The following RPRD2 variants were observed in gnomAD, a reference collection of about 807,000 sequenced individuals.
RPRD2 encodes the protein regulation of nuclear pre-mRNA domain-containing protein 2.
RPRD2 carries 12 observed loss-of-function variants against 104.4 expected under a neutral mutation model. The ratio of observed to expected loss-of-function variants is 0.11; its 90% CI spans 0.07 to 0.19. The LOEUF is 0.19. Among genes scored for constraint, RPRD2 ranks in the 10% least tolerant of loss-of-function variants. The pLI, the probability that RPRD2 is intolerant of heterozygous loss-of-function variation, is 1.00. For missense variants in RPRD2, 1,543 were observed against 1,790.1 expected (o/e 0.86, Z 2.49); for synonymous variants, 714 against 684.9 (o/e 1.04, Z -0.66).
At chr1:150,448,314 G>A (rs1572497642) in intron 7 of RPRD2, among the ~76,000 whole-genome samples, 1 of 152,042 alleles carries the variant, frequency 6.6e-6, no homozygotes, top group Admixed American at 6.6e-5. Context: ...GATTACAGGT[G>A]CATGCCATCA....
At chr1:150,377,153 G>C (rs1051778768) in intron 1 of RPRD2, among the ~76,000 whole-genome samples, 7 of 151,708 alleles carry the variant, frequency 4.6e-5, no homozygotes, top group African/African-American at 1.7e-4. Flanking sequence ...AGCAGTTGCA[G>C]TGAGCTGAGA....
intron 8 of RPRD2, among the ~76,000 whole-genome samples, chr1:150,459,552 A>G (rs1307561753): frequency 6.6e-6 from 1 of 152,042 alleles, no homozygotes; most frequent in Non-Finnish European, 1.5e-5. Context: ...CAAAGGAATC[A>G]TTGAAAAGTA....
At chr1:150,431,791 G>A (rs1205064207) in intron 2 of RPRD2, among the ~76,000 whole-genome samples, 1 of 151,858 alleles carries the variant, frequency 6.6e-6, no homozygotes, top group Non-Finnish European at 1.5e-5. Flanking sequence ...AAAAAGGAAG[G>A]AAATTCTAAT....
In RPRD2 at chr1:150,364,629, C is replaced by G. The variant is rs1454765833; in HGVS notation, c.-86C>G. 1.5e-6 allele frequency: 1 copy of G among 685,546 alleles called. No individual in the cohort carries two copies. Among genetic ancestry groups the G allele is most frequent in the Admixed American group, 2.9e-5 (1 of 34,322 alleles). 42.5% of individuals were successfully genotyped at this position (685,546 alleles called of 1,614,324 possible). A position where few individuals can be genotyped will look rare whatever the true frequency, so the allele number is the denominator to read the frequency against. ...TCCCTCCCCACCTACGGCTTTCACG[C>G]ACTCGCAGTGATTGTTTTGCCCGCT... On this transcript the variant is annotated 5_prime_UTR_variant, in exon 1 of 11. Transcript: ENST00000369068.
intron 1 of RPRD2, among the ~76,000 whole-genome samples, chr1:150,369,248 T>G (rs1660080434): frequency 6.6e-6 from 1 of 152,034 alleles, no homozygotes; most frequent in Admixed American, 6.6e-5. Flanking sequence ...TTGCCCAGAT[T>G]ATCATTTCTG....
chr1:150,373,214 A>G (rs1319881897), intron 1 of RPRD2, among the ~76,000 whole-genome samples: 1 of 151,632 alleles, frequency 6.6e-6, no homozygotes, highest in Non-Finnish European at 1.5e-5. Flanking sequence ...GGGTTTCATC[A>G]TATTGGTCAC....
At chr1:150,382,206 T>C (rs834232) in intron 1 of RPRD2, among the ~76,000 whole-genome samples, 49,965 of 152,110 alleles carry the variant, frequency 0.33, 8,928 homozygotes, top group Non-Finnish European at 0.4. Context: ...GGAGTGGACA[T>C]GGCTTTTTTT....
chr1:150,395,812 A>G (rs1303011868), intron 1 of RPRD2, among the ~76,000 whole-genome samples: 1 of 152,166 alleles, frequency 6.6e-6, no homozygotes, highest in Non-Finnish European at 1.5e-5. Context: ...TCCGGCCGCA[A>G]GTATCTTTTT....
intron 1 of RPRD2, among the ~76,000 whole-genome samples, chr1:150,372,539 A>C (rs1660395567): frequency 6.6e-6 from 1 of 152,046 alleles, no homozygotes; most frequent in Non-Finnish European, 1.5e-5. Flanking sequence ...CATATACTCT[A>C]GTAAGGGGAG....
At chr1:150,422,864 C>T (rs16836849) in intron 2 of RPRD2, among the ~76,000 whole-genome samples, 3,066 of 152,202 alleles carry the variant, frequency 0.02, 132 homozygotes, top group African/African-American at 0.071. Context: ...CTCACGGCCA[C>T]ATGTTAAAAG....
At chr1:150,384,016 T>A (rs1661350305) in intron 1 of RPRD2, among the ~76,000 whole-genome samples, 1 of 152,202 alleles carries the variant, frequency 6.6e-6, no homozygotes, top group South Asian at 2.1e-4. Context: ...GTTTAGGAAC[T>A]ACCAAATTAA....
chr1:150,416,733 G>A (rs1030855009), intron 1 of RPRD2, among the ~76,000 whole-genome samples: 2 of 151,846 alleles, frequency 1.3e-5, no homozygotes, highest in Non-Finnish European at 2.9e-5. Flanking sequence ...TTAGCTGGGC[G>A]TGGTAGTGCA....
At chr1:150,436,005 T>C (rs1182498992) in intron 2 of RPRD2, among the ~76,000 whole-genome samples, 1 of 152,130 alleles carries the variant, frequency 6.6e-6, no homozygotes, top group East Asian at 1.9e-4. Flanking sequence ...TGTTAAAAAT[T>C]ATGCTAAATC....
chr1:150,471,256 C>G lies in RPRD2; in HGVS notation c.2308C>G (p.Pro770Ala). ...CTCAACACCCAGCAGTACAAGATCA[C>G]CACCCCCTGGGAGAGATGAAAGCTA... ...GSSTPSSTRS[P>A]PPGRDESYPR... is the part of the protein sequence containing the mutation. The change falls in exon 11 of 11, where the codon CCA (proline) becomes GCA (alanine). Residue 770 changes from proline (P) to alanine (A), a missense_variant. This residue lies in a region of RPRD2 where 880 missense variants were observed against 885.6 expected (regional missense o/e 0.99). Transcript: ENST00000369068. This position sits in a 1 kb window ranked among gnomAD's most constrained non-coding sequence, Gnocchi z 5.3. The G allele has an allele frequency of 6.2e-7, 1 of 1,613,834 alleles. No homozygotes were observed. Among genetic ancestry groups the G allele is most frequent in the Non-Finnish European group, 8.5e-7 (1 of 1,179,866 alleles).
At chr1:150,378,844 A>C (rs2102119837) in intron 1 of RPRD2, among the ~76,000 whole-genome samples, 1 of 151,764 alleles carries the variant, frequency 6.6e-6, no homozygotes, top group South Asian at 2.1e-4. Context: ...TTAGCCAGGC[A>C]TGGTGGTGCG....
intron 2 of RPRD2, among the ~76,000 whole-genome samples, chr1:150,421,569 C>G (rs1664757250): frequency 6.6e-6 from 1 of 151,874 alleles, no homozygotes; most frequent in Non-Finnish European, 1.5e-5. Context: ...TCAAATATAT[C>G]TTAAAACAAT....
intron 1 of RPRD2, among the ~76,000 whole-genome samples, chr1:150,373,533 C>CTTTTTTTTTTTTTTTTTTT (rs56743462): frequency 1.0e-5 from 1 of 97,420 alleles, no homozygotes; most frequent in African/African-American, 3.8e-5. Flanking sequence ...TCAAGAATGA[C>CTTTTTTTTTTTTTTTTTTT]TTTTTTTTTT....
At chr1:150,460,510 C>G (rs1553898616) in intron 9 of RPRD2, among the ~76,000 whole-genome samples, 193 bp downstream of exon 9, 1 of 152,036 alleles carries the variant, frequency 6.6e-6, no homozygotes, top group East Asian at 1.9e-4. Context: ...TTCAAGTGTT[C>G]TGCTGCTTCA....
At chr1:150,459,996 T>G in intron 8 of RPRD2, 64 bp from the exon 9 acceptor site, 1 of 1,505,036 alleles carries the variant, frequency 6.6e-7, no homozygotes, top group Non-Finnish European at 9.1e-7. Context: ...GACATGTTAT[T>G]TCATATAGGA....
Sources: gnomAD v4.1 joint callset for allele counts (sites outside exome capture counted in the v4.1 genomes callset) on GRCh38, gnomAD v4.1.1 for gene constraint, gnomAD v4.1.1 regional missense constraint, Gnocchi (gnomAD v3.1) non-coding constraint, MANE v1.5 for transcripts, NCBI Gene and HGNC (gene_info 2026-07-23, HGNC 2026-07-21) for gene names.